Variants in SLC24A2 observed in about 807,000 individuals in gnomAD.
The protein encoded by SLC24A2 is sodium/potassium/calcium exchanger 2.
In SLC24A2, 36 loss-of-function variants were observed where a neutral mutation model predicts 62.0. That is an observed-to-expected ratio of 0.58 (90% confidence interval 0.44 to 0.77). SLC24A2 has a LOEUF of 0.77. Among genes scored for constraint, SLC24A2 ranks in the 30% least tolerant of loss-of-function variants. The pLI, the probability that SLC24A2 is intolerant of heterozygous loss-of-function variation, is 0.00. For synonymous variants in SLC24A2, 358 were observed against 294.0 expected, an observed-to-expected ratio of 1.22 and a Z score of -2.23; for missense variants, 846 against 817.9, an observed-to-expected ratio of 1.03 and a Z score of -0.42.
rs903990716 is a variant in SLC24A2 at position 19,513,489 on chromosome 9, G to A, written c.*2664C>T. ...CAGTGCACATGACTGATGTGGGAAC[G>A]GGGCTTGGAAATTTTGTCTTCTCAA... On this transcript the variant is annotated 3_prime_UTR_variant, in exon 11 of 11. Coordinates refer to ENST00000341998, the MANE Select transcript of SLC24A2 (RefSeq NM_020344.4). The A allele has an allele frequency of 2.6e-5, 4 of 152,036 alleles. No homozygotes were observed. Among genetic ancestry groups the A allele is most frequent in the Non-Finnish European group, 4.4e-5 (3 of 68,030 alleles). The allele number at this position is 152,036 out of a possible 1,614,324, so 9.4% of individuals were successfully genotyped here.
At chr9:19,563,124 C>T (rs1315078094) in intron 7 of SLC24A2, among the ~76,000 whole-genome samples, 2 of 151,996 alleles carry the variant, frequency 1.3e-5, no homozygotes, top group Non-Finnish European at 2.9e-5. Flanking sequence ...TAAAAATAAA[C>T]AGTCTGATGA....
chr9:20,180,735 C>T, the SLC24A2 span, among the ~76,000 whole-genome samples: 5 of 152,214 alleles, frequency 3.3e-5, no homozygotes, highest in Admixed American at 3.3e-4. Context: ...TCAAGGGAAA[C>T]ACACAAACCT....
chr9:20,095,796 T>C, the SLC24A2 span, among the ~76,000 whole-genome samples: 2 of 151,992 alleles, frequency 1.3e-5, no homozygotes, highest in Non-Finnish European at 2.9e-5. Context: ...CACATTTCCA[T>C]GTGGCTGGGG....
At chr9:19,921,911 G>C in the SLC24A2 span, among the ~76,000 whole-genome samples, 1 of 152,084 alleles carries the variant, frequency 6.6e-6, no homozygotes, top group African/African-American at 2.4e-5. Flanking sequence ...CAAGAGAGGG[G>C]GAAAGGGTTA....
At chr9:20,011,111 T>C in the SLC24A2 span, among the ~76,000 whole-genome samples, 3 of 152,154 alleles carry the variant, frequency 2.0e-5, 1 homozygote, top group Non-Finnish European at 4.4e-5. Context: ...TTATAATCCT[T>C]TGGGTATATA....
At chr9:20,171,174 A>G in the SLC24A2 span, among the ~76,000 whole-genome samples, 1 of 152,058 alleles carries the variant, frequency 6.6e-6, no homozygotes. Context: ...ATGCTGAGAG[A>G]ATTTGCCACT....
chr9:19,706,231 T>C (rs1331499928), intron 2 of SLC24A2, among the ~76,000 whole-genome samples: 1 of 151,836 alleles, frequency 6.6e-6, no homozygotes, highest in East Asian at 1.9e-4. Context: ...TTAAAGTCTG[T>C]TTTATCAGAG....
At chr9:19,980,697 T>A in the SLC24A2 span, among the ~76,000 whole-genome samples, 1 of 152,164 alleles carries the variant, frequency 6.6e-6, no homozygotes, top group Non-Finnish European at 1.5e-5. Context: ...ATCTAGATGG[T>A]CATCTTACCT....
At chr9:19,636,373 T>TTCTTTCTC (rs1818348173) in intron 2 of SLC24A2, among the ~76,000 whole-genome samples, 1 of 29,562 alleles carries the variant, frequency 3.4e-5, no homozygotes. Flanking sequence ...CTTTCTTTCT[T>TTCTTTCTC]TCTTTCTTTC....
the SLC24A2 span, among the ~76,000 whole-genome samples, chr9:19,947,328 T>G: frequency 6.8e-6 from 1 of 146,008 alleles, no homozygotes; most frequent in African/African-American, 2.6e-5. Context: ...TATCCAAAAG[T>G]AGGCTGCACT....
the SLC24A2 span, among the ~76,000 whole-genome samples, chr9:20,019,224 A>G: frequency 1.1e-5 from 1 of 91,692 alleles, no homozygotes; most frequent in African/African-American, 3.1e-5. Context: ...AGAAAGACAG[A>G]AAGAAAGAAA....
chr9:20,098,462 C>T, the SLC24A2 span, among the ~76,000 whole-genome samples: 1 of 152,126 alleles, frequency 6.6e-6, no homozygotes, highest in Admixed American at 6.6e-5. Flanking sequence ...TCTTATCTTT[C>T]CATTTGATCT....
chr9:19,895,831 C>G, the SLC24A2 span: 1 of 1,604,820 alleles, frequency 6.2e-7, no homozygotes, highest in Non-Finnish European at 8.5e-7. Context: ...GTGGAAGGAC[C>G]GCTCCTCAGG....
the SLC24A2 span, among the ~76,000 whole-genome samples, chr9:19,824,064 A>G: frequency 2.0e-5 from 3 of 152,236 alleles, no homozygotes; most frequent in East Asian, 5.8e-4. Flanking sequence ...AAAACCATAA[A>G]AACCCTAGAA....
At chr9:19,528,179 C>T (rs1368539688) in intron 8 of SLC24A2, 41 bp from the exon 9 acceptor site, 1 of 1,265,028 alleles carries the variant, frequency 7.9e-7, no homozygotes, top group East Asian at 2.5e-5. Context: ...TCAGTGTTAT[C>T]CATTGAGACT....
At chr9:20,172,569 A>G in the SLC24A2 span, among the ~76,000 whole-genome samples, 1 of 152,144 alleles carries the variant, frequency 6.6e-6, no homozygotes, top group African/African-American at 2.4e-5. Flanking sequence ...TACTATGAAC[A>G]TCTTTATGCA....
intron 7 of SLC24A2, among the ~76,000 whole-genome samples, chr9:19,554,639 G>T (rs1159387090): frequency 6.6e-6 from 1 of 152,224 alleles, no homozygotes; most frequent in Admixed American, 6.5e-5. Context: ...TCTGGCCAAA[G>T]GATGTATTGG....
At chr9:19,782,183 C>T (rs1188600083) in intron 2 of SLC24A2, among the ~76,000 whole-genome samples, 1 of 152,190 alleles carries the variant, frequency 6.6e-6, no homozygotes, top group Non-Finnish European at 1.5e-5. Context: ...AGGCCAATGA[C>T]AGCCTAGCAC....
the SLC24A2 span, among the ~76,000 whole-genome samples, chr9:20,204,288 C>T: frequency 2.6e-5 from 4 of 152,158 alleles, no homozygotes; most frequent in African/African-American, 9.7e-5. Context: ...TTGCCACCTT[C>T]AAAGTAACTT....
Sources: gnomAD v4.1 joint callset for allele counts (sites outside exome capture counted in the v4.1 genomes callset) on GRCh38, gnomAD v4.1.1 for gene constraint, MANE v1.5 for transcripts, NCBI Gene and HGNC (gene_info 2026-07-23, HGNC 2026-07-21) for gene names.